Variants in CPNE8 observed in about 807,000 individuals in gnomAD.
CPNE8 encodes copine-8.
CPNE8 carries 45 observed loss-of-function variants against 81.5 expected under a neutral mutation model. The observed-to-expected ratio is 0.55, with a 90% CI of 0.44 to 0.71. The LOEUF is 0.71. CPNE8 is among the 30% of genes least tolerant of loss of function. CPNE8 has a pLI of 0.00. For missense variants in CPNE8, 594 were observed against 672.1 expected, an observed-to-expected ratio of 0.88 and a Z score of 1.28; for synonymous variants, 252 against 226.3, an observed-to-expected ratio of 1.11 and a Z score of -1.02.
Position 38,862,048 on chromosome 12 carries a change from A to G in CPNE8, c.186+10956T>C, listed in dbSNP as rs1271413284. Among the ~76,000 whole-genome samples, 6 of 152,278 alleles carry G rather than the reference A, an allele frequency of 3.9e-5. No homozygotes were observed. In the East Asian group the frequency reaches 1.2e-3, roughly 29 times the overall value. ...TATCACAAAAGAGTGAAAACAAGAC[A>G]TAATTTGCTTTCCAATGAAAGTTTT... On this transcript the variant is annotated intron_variant, in intron 3 of 19. Transcript: ENST00000331366.
chr12:38,763,074 G>C (rs1413018832), intron 8 of CPNE8, among the ~76,000 whole-genome samples: 1 of 152,152 alleles, frequency 6.6e-6, no homozygotes, highest in Non-Finnish European at 1.5e-5. Context: ...GGCCCAGCTC[G>C]TCTTGAACTC....
chr12:38,682,694 A>G (rs1236584637), intron 16 of CPNE8, among the ~76,000 whole-genome samples: 4 of 152,146 alleles, frequency 2.6e-5, no homozygotes, highest in African/African-American at 4.8e-5. Context: ...CCTCCCTTCA[A>G]TGTGGAAAAG....
chr12:38,843,805 C>T (rs907883818), intron 4 of CPNE8, among the ~76,000 whole-genome samples: 5 of 152,076 alleles, frequency 3.3e-5, no homozygotes, highest in Non-Finnish European at 7.4e-5. Context: ...CTCCCAACAC[C>T]GCCTACCTTT....
At chr12:38,771,323 G>T (rs76048697) in intron 7 of CPNE8, among the ~76,000 whole-genome samples, 2 of 150,256 alleles carry the variant, frequency 1.3e-5, no homozygotes, top group Admixed American at 1.3e-4. Context: ...AAATTAGCCA[G>T]GTGTGGCGGT....
At chr12:38,872,893 C>T (rs2137105822) in intron 3 of CPNE8, 111 bp downstream of exon 3, 2 of 675,554 alleles carry the variant, frequency 3.0e-6, no homozygotes, top group South Asian at 3.6e-5. Flanking sequence ...ACAATTCAAT[C>T]TTTGGGTTCA....
intron 6 of CPNE8, among the ~76,000 whole-genome samples, chr12:38,793,636 T>C (rs1191998163): frequency 6.6e-6 from 1 of 151,988 alleles, no homozygotes; most frequent in Non-Finnish European, 1.5e-5. Flanking sequence ...AAGATATCCA[T>C]ATTACCCAAA....
At chr12:38,902,327 A>G (rs58452676) in intron 1 of CPNE8, among the ~76,000 whole-genome samples, 2,089 of 67,128 alleles carry the variant, frequency 0.031, 71 homozygotes, top group African/African-American at 0.12. Context: ...AAAGAAAGAA[A>G]GAAAGAAAGA....
At chr12:38,877,431 C>T (rs1944083395) in intron 1 of CPNE8, among the ~76,000 whole-genome samples, 1 of 151,924 alleles carries the variant, frequency 6.6e-6, no homozygotes, top group Non-Finnish European at 1.5e-5. Flanking sequence ...TTGTCATCTG[C>T]TTGAGCTAGG....
chr12:38,743,195 T>C (rs1941149820), intron 10 of CPNE8, among the ~76,000 whole-genome samples: 1 of 152,046 alleles, frequency 6.6e-6, no homozygotes, highest in Non-Finnish European at 1.5e-5. Context: ...TCAGAAAGCA[T>C]TTACTGAGTA....
chr12:38,796,599 C>T (rs1030866450), intron 6 of CPNE8, among the ~76,000 whole-genome samples: 1 of 152,172 alleles, frequency 6.6e-6, no homozygotes, highest in South Asian at 2.1e-4. Flanking sequence ...CTCCGGTCTA[C>T]AGCTCCCAGC....
chr12:38,715,409 A>T (rs1940361997), intron 13 of CPNE8, among the ~76,000 whole-genome samples: 1 of 152,056 alleles, frequency 6.6e-6, no homozygotes, highest in Non-Finnish European at 1.5e-5. Flanking sequence ...TTACTTGTCA[A>T]TTCAGATTCA....
intron 6 of CPNE8, among the ~76,000 whole-genome samples, chr12:38,796,883 CAGG>C (rs1942491783): frequency 6.6e-6 from 1 of 152,174 alleles, no homozygotes; most frequent in Non-Finnish European, 1.5e-5. Context: ...AATGGCGCAC[CAGG>C]AGATTATATC....
chr12:38,834,011 G>A (rs1357261100), intron 5 of CPNE8, among the ~76,000 whole-genome samples: 1 of 152,110 alleles, frequency 6.6e-6, no homozygotes, highest in Non-Finnish European at 1.5e-5. Flanking sequence ...TTAGAGCAGG[G>A]TGAGCAATGA....
intron 16 of CPNE8, among the ~76,000 whole-genome samples, chr12:38,682,606 TCAG>T: frequency 6.6e-6 from 1 of 152,326 alleles, no homozygotes; most frequent in South Asian, 2.1e-4. Flanking sequence ...TACAGATATC[TCAG>T]TATATCCAAA....
chr12:38,887,572 TCTA>T (rs1400247091), intron 1 of CPNE8, among the ~76,000 whole-genome samples: 3 of 152,196 alleles, frequency 2.0e-5, no homozygotes, highest in African/African-American at 7.2e-5. Flanking sequence ...CATGAAGTGA[TCTA>T]CTGTTTTCCA....
chr12:38,703,720 CTCCTGGAACTGATAAAT>C (rs1940012497), intron 13 of CPNE8, among the ~76,000 whole-genome samples: 2 of 152,138 alleles, frequency 1.3e-5, no homozygotes, highest in Admixed American at 1.3e-4. Context: ...CACTAAAAGG[CTCCTGGAACTGATAAAT>C]TCTGCAAAGT....
chr12:38,824,562 T>G (rs375361175), intron 6 of CPNE8, among the ~76,000 whole-genome samples: 142 of 139,134 alleles, frequency 1.0e-3, no homozygotes, highest in African/African-American at 3.4e-3. Context: ...TTAGGCCATT[T>G]AAAGGAAAGA....
chr12:38,762,112 C>T lies in CPNE8; in HGVS notation c.680G>A (p.Arg227Lys). The change falls in exon 9 of 20, where the codon AGA becomes AAA. Residue 227 changes from arginine (R) to lysine (K), a missense_variant and splice_region_variant. Arg to Lys is a conservative substitution (Grantham distance 26). Coordinates refer to ENST00000331366, the MANE Select transcript of CPNE8 (RefSeq NM_153634.3). ...TTTTTGAATAAACTATCCTTCTTACCTGTCATAGTCTCCATTACATAATGC... is the reference window on the plus strand; with the variant it reads ...TTTTTGAATAAACTATCCTTCTTACTTGTCATAGTCTCCATTACATAATGC... ...VRALCNGDYDRTIKVEVYDWD... is the reference protein window; with the variant it reads ...VRALCNGDYDKTIKVEVYDWD... 2 of 1,406,658 alleles carry T rather than the reference C, an allele frequency of 1.4e-6. No individual in the cohort carries two copies. Among genetic ancestry groups the T allele is most frequent in the Non-Finnish European group, 1.9e-6 (2 of 1,044,140 alleles). The allele number at this position is 1,406,658 out of a possible 1,614,324, so 87.1% of individuals were successfully genotyped here.
chr12:38,737,730 G>T (rs1451204587), intron 10 of CPNE8, among the ~76,000 whole-genome samples: 1 of 151,786 alleles, frequency 6.6e-6, no homozygotes, highest in Non-Finnish European at 1.5e-5. Context: ...ATTAAACCTG[G>T]AACACAGAGA....
Sources: allele counts gnomAD v4.1 joint callset (sites outside exome capture counted in the v4.1 genomes callset), GRCh38; gene constraint gnomAD v4.1.1; transcripts MANE v1.5; gene names NCBI Gene and HGNC (gene_info 2026-07-23, HGNC 2026-07-21).